TCF12: variants seen among roughly 807,000 people sequenced by gnomAD.
The protein encoded by TCF12 is DNA-binding protein HTF4.
A neutral mutation model predicts 86.0 loss-of-function variants in TCF12; 45 were observed. The observed-to-expected ratio is 0.52, with a 90% CI of 0.41 to 0.67. TCF12 has a LOEUF of 0.67. Ranked by LOEUF, TCF12 falls within the 30% of genes least tolerant of loss-of-function variation. TCF12 has a pLI of 0.00. For missense variants in TCF12, 881 were observed against 859.9 expected (o/e 1.02, Z -0.31); for synonymous variants, 330 against 299.6 (o/e 1.10, Z -1.05).
rs2062795096 is a variant in TCF12, at chr15:56,979,749, G to C, written c.148+58651G>C. Reference sequence around the variant, plus strand: ...TTTATTTGGTCACTTGATGGTCAAGGAGATTGTGCATCAAAGTTCTTAGCA... The same window carrying C: ...TTTATTTGGTCACTTGATGGTCAAGCAGATTGTGCATCAAAGTTCTTAGCA... On this transcript the variant is annotated intron_variant, in intron 3 of 20. Transcript: ENST00000333725. Among the ~76,000 whole-genome samples, 3 of 152,138 alleles carry C rather than the reference G, an allele frequency of 2.0e-5. No individual in the cohort carries two copies. In the South Asian group the frequency reaches 6.2e-4, roughly 32 times the overall value.
intron 3 of TCF12, among the ~76,000 whole-genome samples, chr15:57,025,075 C>T (rs1277078146): frequency 1.4e-5 from 2 of 147,600 alleles, no homozygotes; most frequent in South Asian, 4.3e-4. Context: ...TTTGTGTCCC[C>T]GCTACCTTTT....
intron 4 of TCF12, among the ~76,000 whole-genome samples, chr15:57,078,472 C>G (rs1379428497): frequency 5.3e-5 from 8 of 152,136 alleles, no homozygotes; most frequent in African/African-American, 1.7e-4. Flanking sequence ...GATAATGTCT[C>G]TCTCTTCTTG....
chr15:57,108,902 A>G (rs137896962), intron 5 of TCF12, among the ~76,000 whole-genome samples: 192 of 152,326 alleles, frequency 1.3e-3, no homozygotes, highest in African/African-American at 4.1e-3. Context: ...AACAAAAACT[A>G]TAATTGTGAC....
chr15:57,262,264 C>T (rs2060625087), intron 17 of TCF12, 56 bp downstream of exon 17: 3 of 1,230,212 alleles, frequency 2.4e-6, no homozygotes, highest in South Asian at 1.3e-5. Flanking sequence ...ATTTGGAACA[C>T]TGTCACCTTT....
intron 4 of TCF12, among the ~76,000 whole-genome samples, chr15:57,075,740 G>A (rs1297553828): frequency 6.8e-6 from 1 of 146,982 alleles, no homozygotes; most frequent in Non-Finnish European, 1.5e-5. Flanking sequence ...ATTTTTTCTG[G>A]ACATGACATG....
At chr15:56,940,478 T>TCTC (rs770271452) in intron 3 of TCF12, among the ~76,000 whole-genome samples, 3 of 147,980 alleles carry the variant, frequency 2.0e-5, no homozygotes, top group African/African-American at 7.6e-5. Flanking sequence ...TTCTTCTTCT[T>TCTC]CTCCTCCTCC....
At chr15:57,203,960 A>C (rs746650813) in intron 8 of TCF12, among the ~76,000 whole-genome samples, 1 of 152,106 alleles carries the variant, frequency 6.6e-6, no homozygotes, top group Non-Finnish European at 1.5e-5. Flanking sequence ...ACTCCATTGC[A>C]CTCCAGCCTG....
Position 57,197,819 on chromosome 15 carries a change from T to G in TCF12, c.573T>G (p.Pro191=). The G allele has an allele frequency of 6.2e-7, 1 of 1,614,022 alleles. No individual in the cohort carries two copies. Residue 191 remains proline (P), a synonymous_variant, in exon 8 of 21, where the codon CCT becomes CCG. Transcript: ENST00000333725. ...TCAGAAAGGTGCCTCCTGGTTTGCC[T>G]TCTTCTGTAAGTACCTATCTTTTTT... is the stretch of plus-strand genomic sequence containing the variant. The part of the protein sequence containing the change: ...KKVRKVPPGL[P]SSVYAPSPNS...
chr15:57,216,724 G>A (rs992918906), intron 8 of TCF12, among the ~76,000 whole-genome samples: 10 of 151,928 alleles, frequency 6.6e-5, no homozygotes, highest in Non-Finnish European at 1.3e-4. Flanking sequence ...AAAATTGGGA[G>A]CAGAGAAAAA....
Position 57,253,383 on chromosome 15 carries a change from G to A in TCF12, c.1382G>A (p.Gly461Glu), listed in dbSNP as rs1167017047. 1.9e-6 allele frequency: 3 copies of A among 1,614,044 alleles called. No individual in the cohort carries two copies. The highest frequency in any genetic ancestry group is 1.3e-5 in the African/African-American group (1 of 75,026). The change falls in exon 16 of 21, where the codon GGA (glycine) becomes GAA (glutamate). Residue 461 changes from glycine to glutamate, a missense_variant. Around this residue, in one of 3 missense-constraint regions of TCF12, gnomAD observed 766 missense variants for 718.9 expected, o/e 1.07. Transcript: ENST00000333725. ...AGHSDIHSLL[G>E]PSHNAPIGSL... Reference sequence around the variant, plus strand: ...CACAGTGATATACATAGTTTATTGGGACCATCCCATAATGCACCAATTGGA... The same window carrying A: ...CACAGTGATATACATAGTTTATTGGAACCATCCCATAATGCACCAATTGGA...
intron 5 of TCF12, among the ~76,000 whole-genome samples, chr15:57,121,767 G>A (rs1027604514): frequency 1.3e-5 from 2 of 152,132 alleles, no homozygotes; most frequent in Admixed American, 6.5e-5. Context: ...GTAAATTACC[G>A]ATTCTATGGA....
intron 3 of TCF12, among the ~76,000 whole-genome samples, chr15:57,045,580 C>T (rs1029293406): frequency 1.3e-5 from 2 of 152,248 alleles, no homozygotes; most frequent in Middle Eastern, 3.4e-3. Context: ...GGATCTCCCT[C>T]TGTAACCCAG....
chr15:57,132,242 C>T (rs1403702744), intron 5 of TCF12, among the ~76,000 whole-genome samples: 1 of 152,036 alleles, frequency 6.6e-6, no homozygotes, highest in Non-Finnish European at 1.5e-5. Flanking sequence ...TTGTAGTGGG[C>T]GTATTTTCAT....
intron 13 of TCF12, among the ~76,000 whole-genome samples, chr15:57,243,933 T>C (rs1243416155): frequency 1.3e-5 from 2 of 151,870 alleles, no homozygotes; most frequent in Non-Finnish European, 2.9e-5. Context: ...GGCTGGAGTA[T>C]AGTGGTATGG....
chr15:57,221,383 G>GGTGTGTGTGTGTGTGT (rs144351636), intron 8 of TCF12, among the ~76,000 whole-genome samples: 3 of 148,640 alleles, frequency 2.0e-5, no homozygotes, highest in East Asian at 2.0e-4. Flanking sequence ...ATGTGTGTGG[G>GGTGTGTGTGTGTGTGT]GTGTGTGTGT....
chr15:57,228,015 G>GA (rs1430364699), intron 8 of TCF12, among the ~76,000 whole-genome samples: 1 of 151,906 alleles, frequency 6.6e-6, no homozygotes, highest in Non-Finnish European at 1.5e-5. Context: ...TTAACTAGGG[G>GA]AAAAAAACTG....
chr15:56,945,098 A>AT (rs1389370148), intron 3 of TCF12, among the ~76,000 whole-genome samples: 1 of 152,068 alleles, frequency 6.6e-6, no homozygotes. Context: ...CTTTGGTTCT[A>AT]TTATATGTGG....
At chr15:56,920,762 A>T (rs1043652718) in intron 2 of TCF12, among the ~76,000 whole-genome samples, 1 of 152,132 alleles carries the variant, frequency 6.6e-6, no homozygotes, top group Non-Finnish European at 1.5e-5. Flanking sequence ...ATCATGTGTA[A>T]TACTATACTG....
chr15:57,157,209 G>A (rs1408725301), intron 5 of TCF12, among the ~76,000 whole-genome samples: 7 of 151,584 alleles, frequency 4.6e-5, no homozygotes, highest in African/African-American at 1.7e-4. Flanking sequence ...CGTTTTTTAA[G>A]AATGAGATAA....
Sources: gnomAD v4.1 joint callset for allele counts (sites outside exome capture counted in the v4.1 genomes callset) on GRCh38, gnomAD v4.1.1 for gene constraint, gnomAD v4.1.1 regional missense constraint, MANE v1.5 for transcripts, NCBI Gene and HGNC (gene_info 2026-07-23, HGNC 2026-07-21) for gene names.